VWF: variants seen among roughly 807,000 people sequenced by gnomAD.
The protein encoded by VWF is Factor VIII related antigen.
Under a neutral mutation model 308.6 loss-of-function variants are expected in VWF, and 176 were observed. That is an observed-to-expected ratio of 0.57 (90% CI 0.50 to 0.65). The LOEUF (loss-of-function observed/expected upper bound fraction) is 0.65, where lower values mean the gene tolerates loss of function less well. VWF is among the 30% of genes least tolerant of loss of function. The pLI is 0.00. For synonymous variants in VWF, 1,385 were observed against 1,443.4 expected, an observed-to-expected ratio of 0.96 and a Z score of 0.92; for missense variants, 3,146 against 3,648.2, an observed-to-expected ratio of 0.86 and a Z score of 3.55.
At chr12:6,121,796 TG>T (rs1396901751) in intron 2 of VWF, among the ~76,000 whole-genome samples, 1 of 147,630 alleles carries the variant, frequency 6.8e-6, no homozygotes, top group Non-Finnish European at 1.5e-5. Context: ...CCGGGTGTAG[TG>T]GTGGGCGCCT....
chr12:5,968,090 C>T (rs762608927), intron 46 of VWF, 37 bp downstream of exon 46: 17 of 1,613,670 alleles, frequency 1.1e-5, no homozygotes, highest in Non-Finnish European at 3.4e-6. Flanking sequence ...CTTCCCTGTC[C>T]CCACCACTTG....
chr12:5,994,115 A>T lies in VWF; in HGVS notation c.6345T>A (p.Thr2115=), dbSNP rs11537642. The T allele has an allele frequency of 7.8e-3, 12,631 of 1,614,176 alleles. 850 individuals are homozygous for T. In the African/African-American group the frequency reaches 0.15, roughly 19 times the overall value. ...GGCACGTCTGCCCTGGCCGCTGCACAGTCCATTCCTGAACAAGTGTTTTCC... is the reference window on the plus strand; with the variant it reads ...GGCACGTCTGCCCTGGCCGCTGCACTGTCCATTCCTGAACAAGTGTTTTCC... ...TDWKTLVQEW[T]VQRPGQTCQP... is the part of the protein sequence containing the mutation. The change falls in exon 37 of 52, where the codon ACT becomes ACA. Residue 2115 remains threonine (T), a synonymous_variant. Coordinates refer to ENST00000261405, the MANE Select transcript of VWF (RefSeq NM_000552.5).
Position 6,058,994 on chromosome 12 carries a change from G to C in VWF, c.1534-950C>G, listed in dbSNP as rs754635100. The stretch of plus-strand genomic sequence containing the variant: ...TACCAAGGTGGGATGACCTCCCTGC[G>C]TTCTGAATCCCTCAGGGGCTAGGGT... On this transcript the variant is annotated intron_variant, in intron 13 of 51. Transcript: ENST00000261405. This position sits in a 1 kb window ranked among gnomAD's most constrained non-coding sequence, Gnocchi z 4.9. Among the ~76,000 whole-genome samples the C allele has an allele frequency of 6.6e-6, 1 of 152,260 alleles. No individual in the cohort carries two copies. The highest frequency in any genetic ancestry group is 6.5e-5 in the Admixed American group (1 of 15,300).
rs1341886975 is a variant in VWF, at chr12:6,046,854, C to T, written c.2187-37G>A. The T allele has an allele frequency of 6.3e-7, 1 of 1,583,632 alleles. No individual in the cohort carries two copies. On this transcript the variant is annotated intron_variant, in intron 16 of 51. Coordinates refer to ENST00000261405, the MANE Select transcript of VWF (RefSeq NM_000552.5). The surrounding 1 kb of genome is among the most constrained non-coding windows in gnomAD (Gnocchi z 5.0). ...AAAATCATAGCCGAGCTTCACGAGA[C>T]TCGTCTATACTCGCTGCCTCCACAT...
intron 6 of VWF, among the ~76,000 whole-genome samples, chr12:6,077,950 G>T (rs1177585265): frequency 6.6e-6 from 1 of 152,148 alleles, no homozygotes. Context: ...GCAAAACAGG[G>T]GAGAATAGTA....
rs78406805 is a variant in VWF at position 6,112,654 on chromosome 12, C to T, written c.221-1686G>A. 2.5e-3 allele frequency among the ~76,000 whole-genome samples: 386 copies of T among 152,162 alleles called. 2 individuals are homozygous for T. Among genetic ancestry groups the T allele is most frequent in the African/African-American group, 8.1e-3 (336 of 41,506 alleles). On this transcript the variant is annotated intron_variant, in intron 3 of 51. Transcript: ENST00000261405. Reference sequence around the variant, plus strand: ...CTTGGCAAGAAGAGGCTAAGATGTCCGTGGAACGAAGCCCAGAAGACCTGG... The same window carrying T: ...CTTGGCAAGAAGAGGCTAAGATGTCTGTGGAACGAAGCCCAGAAGACCTGG...
At chr12:5,980,089 A>C (rs557292839) in intron 42 of VWF, among the ~76,000 whole-genome samples, 2 of 71,300 alleles carry the variant, frequency 2.8e-5, no homozygotes, top group African/African-American at 1.3e-4. Flanking sequence ...AAGAAAAGAA[A>C]GAAAGGAAGG....
chr12:5,977,796 G>C (rs563606320), intron 42 of VWF, among the ~76,000 whole-genome samples: 7 of 151,480 alleles, frequency 4.6e-5, no homozygotes, highest in Admixed American at 2.0e-4. Flanking sequence ...TCTGAGCCTA[G>C]GGGGTGGAGG....
chr12:5,965,465 G>C (rs996457412), intron 47 of VWF, among the ~76,000 whole-genome samples: 1 of 152,174 alleles, frequency 6.6e-6, no homozygotes, highest in Admixed American at 6.5e-5. Flanking sequence ...GGTCCACTCA[G>C]GGTTGCCCTC....
At position 6,016,178 on chromosome 12, in the gene VWF, C is replaced by G; in HGVS notation, c.5366G>C (p.Arg1789Thr). Reference sequence around the variant, plus strand: ...GACCACCGCCTTTGAGGCTCCCGGCCTGGCACCATGCATTTCTGAAGTCAA... The same window carrying G: ...GACCACCGCCTTTGAGGCTCCCGGCGTGGCACCATGCATTTCTGAAGTCAA... Reference protein sequence around the residue: ...RYLTSEMHGARPGASKAVVIL... With the variant: ...RYLTSEMHGATPGASKAVVIL... Residue 1789 changes from arginine to threonine, a missense_variant, in exon 31 of 52, where the codon AGG (arginine) becomes ACG (threonine). By Grantham distance (71) the Arg-to-Thr change is moderately conservative (BLOSUM62 -1). This residue lies in a region of VWF where 853 missense variants were observed against 1,177.8 expected (regional missense o/e 0.72). Coordinates refer to ENST00000261405, the MANE Select transcript of VWF (RefSeq NM_000552.5). The G allele has an allele frequency of 6.2e-7, 1 of 1,614,226 alleles. No homozygotes were observed. The highest frequency in any genetic ancestry group is 1.3e-5 in the African/African-American group (1 of 75,064).
rs536269433 is a variant in VWF, at chr12:5,993,060, G to A, written c.6598+802C>T. ...TAAGAGAACAGTCCATCCACCAGCT[G>A]AGCTGGGACTAGGATGCCCAAGTCC... On this transcript the variant is annotated intron_variant, in intron 37 of 51. Transcript: ENST00000261405. Among the ~76,000 whole-genome samples the A allele has an allele frequency of 1.2e-4, 19 of 152,282 alleles. 1 individual carries two copies. Among genetic ancestry groups the A allele is most frequent in the Admixed American group, 1.2e-3 (19 of 15,294 alleles).
intron 3 of VWF, among the ~76,000 whole-genome samples, chr12:6,114,005 A>G (rs1355801322): frequency 6.6e-6 from 1 of 152,152 alleles, no homozygotes; most frequent in Non-Finnish European, 1.5e-5. Flanking sequence ...CCCTATTACC[A>G]CTGAGCCTGT....
chr12:6,054,998 C>A (rs1176423010), intron 15 of VWF, among the ~76,000 whole-genome samples: 1 of 152,188 alleles, frequency 6.6e-6, no homozygotes, highest in Non-Finnish European at 1.5e-5. Context: ...GTCACATAAA[C>A]CCACAGAGAC....
intron 3 of VWF, among the ~76,000 whole-genome samples, chr12:6,120,324 GGTT>G (rs2136534284): frequency 1.3e-5 from 2 of 151,972 alleles, no homozygotes; most frequent in African/African-American, 4.8e-5. Context: ...GTTTTTTGTG[GGTT>G]GTTTTTTTTT....
At chr12:6,011,237 T>C (rs150518407) in intron 34 of VWF, among the ~76,000 whole-genome samples, 252 of 152,278 alleles carry the variant, frequency 1.7e-3, no homozygotes, top group African/African-American at 5.3e-3. Flanking sequence ...ATAGGTGTGG[T>C]TGGAGAGTTT....
chr12:6,047,629 T>G (rs910817597), intron 16 of VWF, among the ~76,000 whole-genome samples: 1 of 152,272 alleles, frequency 6.6e-6, no homozygotes, highest in Non-Finnish European at 1.5e-5. Flanking sequence ...TGTAAAAGTC[T>G]CCTAACTGAC....
At position 5,971,727 on chromosome 12, in the gene VWF, A is replaced by G. The variant is rs926540692; in HGVS notation, c.7438-18T>C. The G allele has an allele frequency of 1.2e-6, 2 of 1,610,428 alleles. No individual in the cohort carries two copies. Among genetic ancestry groups the G allele is most frequent in the South Asian group, 2.2e-5 (2 of 91,012 alleles). ...GTGAAGCCCTGGAAAAGCAGAAAAAACAGAGTAAGGACAGGCCAGCAGCAA... is the reference window on the plus strand; with the variant it reads ...GTGAAGCCCTGGAAAAGCAGAAAAAGCAGAGTAAGGACAGGCCAGCAGCAA... On this transcript the variant is annotated intron_variant, in intron 43 of 51. Coordinates refer to ENST00000261405, the MANE Select transcript of VWF (RefSeq NM_000552.5).
intron 16 of VWF, among the ~76,000 whole-genome samples, chr12:6,048,987 G>T (rs1422000080): frequency 6.6e-6 from 1 of 152,126 alleles, no homozygotes; most frequent in Non-Finnish European, 1.5e-5. Context: ...TTTCTAAAAA[G>T]CCTCAAAGAT....
At chr12:5,998,877 C>T (rs762983663) in intron 34 of VWF, among the ~76,000 whole-genome samples, 21 of 152,052 alleles carry the variant, frequency 1.4e-4, no homozygotes, top group African/African-American at 3.9e-4. Flanking sequence ...TACAGGCATG[C>T]GCCACCACAC....
Sources: gnomAD v4.1 joint callset for allele counts (sites outside exome capture counted in the v4.1 genomes callset) on GRCh38, gnomAD v4.1.1 for gene constraint, gnomAD v4.1.1 regional missense constraint, Gnocchi (gnomAD v3.1) non-coding constraint, MANE v1.5 for transcripts, NCBI Gene and HGNC (gene_info 2026-07-23, HGNC 2026-07-21) for gene names.